PAX2: variants seen among roughly 807,000 people sequenced by gnomAD.
The protein encoded by PAX2 is paired box protein Pax-2.
A neutral mutation model predicts 41.7 loss-of-function variants in PAX2; 9 were observed. The ratio of observed to expected loss-of-function variants is 0.22; its 90% CI spans 0.13 to 0.38. The LOEUF (loss-of-function observed/expected upper bound fraction) is 0.38, where lower values mean the gene tolerates loss of function less well. Among genes scored for constraint, PAX2 ranks in the 10% least tolerant of loss-of-function variants. The pLI is 1.00. For synonymous variants in PAX2, 221 were observed against 212.7 expected, an observed-to-expected ratio of 1.04 and a Z score of -0.34; for missense variants, 418 against 531.6, an observed-to-expected ratio of 0.79 and a Z score of 2.10.
At chr10:100,825,852 GA>G (rs1022401477) in intron 8 of PAX2, among the ~76,000 whole-genome samples, 8 of 147,230 alleles carry the variant, frequency 5.4e-5, no homozygotes, top group African/African-American at 2.0e-4. Context: ...TTAGGGGAAG[GA>G]AAGTAGAAGC....
rs1845870404 is a variant in PAX2 at position 100,762,359 on chromosome 10, C to A, written c.410+11468C>A. ...GACATGGGGCAGTGAAGCATAGAGG[C>A]ACAAACCAAGGAGGACATTGTGCAT... is the stretch of plus-strand genomic sequence containing the variant. On this transcript the variant is annotated intron_variant, in intron 3 of 9. Transcript: ENST00000355243. Among the ~76,000 whole-genome samples the A allele has an allele frequency of 2.6e-5, 4 of 152,308 alleles. No individual in the cohort carries two copies. The South Asian group carries it at 8.3e-4, about 32-fold the overall frequency.
intron 5 of PAX2, among the ~76,000 whole-genome samples, chr10:100,805,621 C>T (rs1369708800): frequency 6.6e-6 from 1 of 152,126 alleles, no homozygotes; most frequent in African/African-American, 2.4e-5. Context: ...GGAGCAGGCA[C>T]CGGTGTGATA....
intron 1 of PAX2, among the ~76,000 whole-genome samples, chr10:100,739,297 C>A (rs965659197): frequency 6.6e-6 from 1 of 152,220 alleles, no homozygotes; most frequent in Non-Finnish European, 1.5e-5. Flanking sequence ...AGCCACCTCG[C>A]AGCCTGTCCC....
chr10:100,773,744 G>A (rs949498978), intron 3 of PAX2, among the ~76,000 whole-genome samples: 4 of 152,062 alleles, frequency 2.6e-5, no homozygotes, highest in African/African-American at 7.2e-5. Flanking sequence ...AGGCTGCCCC[G>A]GCCCCCCAGG....
At chr10:100,743,044 G>T (rs1463516905), upstream of PAX2, among the ~76,000 whole-genome samples, 1 of 151,614 alleles carries the variant, frequency 6.6e-6, no homozygotes, top group Non-Finnish European at 1.5e-5. Flanking sequence ...CTAATCTCCA[G>T]GGAGCATTAC....
At chr10:100,825,787 T>C (rs1848532643) in intron 8 of PAX2, among the ~76,000 whole-genome samples, 1 of 152,098 alleles carries the variant, frequency 6.6e-6, no homozygotes, top group Non-Finnish European at 1.5e-5. Flanking sequence ...CTGGGTCTTA[T>C]GGACTAGGGG....
At chr10:100,803,600 C>T (rs1847646400) in intron 5 of PAX2, among the ~76,000 whole-genome samples, 3 of 152,144 alleles carry the variant, frequency 2.0e-5, no homozygotes, top group African/African-American at 4.8e-5. Flanking sequence ...TGTGCTCCTT[C>T]GCCATTCATC....
chr10:100,829,529 C>G lies in PAX2; in HGVS notation c.*1910C>G, dbSNP rs1848712835. On this transcript the variant is annotated 3_prime_UTR_variant, in exon 10 of 10. Coordinates refer to ENST00000355243, the MANE Select transcript of PAX2 (RefSeq NM_000278.5). Reference sequence around the variant, plus strand: ...TCTCCTCACCCGTGGATCGTGACGACTCGAAATAACAGAAACAAAGTCAAT... The same window carrying G: ...TCTCCTCACCCGTGGATCGTGACGAGTCGAAATAACAGAAACAAAGTCAAT... The G allele has an allele frequency of 4.8e-6, 1 of 208,664 alleles. No individual in the cohort carries two copies. 12.9% of individuals were successfully genotyped at this position (208,664 alleles called of 1,614,324 possible). A position where few individuals can be genotyped will look rare whatever the true frequency, so the allele number is the denominator to read the frequency against.
At chr10:100,807,874 C>G (rs1007351526) in intron 6 of PAX2, among the ~76,000 whole-genome samples, 1 of 152,248 alleles carries the variant, frequency 6.6e-6, no homozygotes, top group African/African-American at 2.4e-5. Flanking sequence ...CAACAGCTCC[C>G]AGCCACTCGC....
intron 3 of PAX2, among the ~76,000 whole-genome samples, chr10:100,777,165 A>G (rs1846422164): frequency 6.7e-6 from 1 of 148,546 alleles, no homozygotes; most frequent in Non-Finnish European, 1.5e-5. Context: ...GCAGAGGCAC[A>G]ATCTCAGCTC....
Position 100,747,504 on chromosome 10 carries a change from C to T in PAX2, c.43+1201C>T, listed in dbSNP as rs1437517409. ...GCTTTTTTTTTTAAAAGCTAAAATT[C>T]TAAATAGAAAACTCCTCCCTATCTG... is the stretch of plus-strand genomic sequence containing the variant. On this transcript the variant is annotated intron_variant, in intron 1 of 9. Coordinates refer to ENST00000355243, the MANE Select transcript of PAX2 (RefSeq NM_000278.5). 1.5e-5 allele frequency: 7 copies of T among 471,436 alleles called. No homozygotes were observed. In the East Asian group the frequency reaches 1.1e-3, roughly 76 times the overall value. 29.2% of individuals were successfully genotyped at this position (471,436 alleles called of 1,614,324 possible). A position where few individuals can be genotyped will look rare whatever the true frequency, so the allele number is the denominator to read the frequency against.
chr10:100,788,781 G>A (rs990560939), intron 5 of PAX2, among the ~76,000 whole-genome samples: 8 of 152,136 alleles, frequency 5.3e-5, no homozygotes, highest in Non-Finnish European at 1.0e-4. Flanking sequence ...AGGAGACTTG[G>A]CGAGGTTGCA....
intron 7 of PAX2, among the ~76,000 whole-genome samples, chr10:100,814,966 G>A (rs1249544970): frequency 6.6e-6 from 1 of 152,218 alleles, no homozygotes. Context: ...ACAGCAGCAG[G>A]GACCAGTGTG....
chr10:100,758,373 C>A (rs1050671688), intron 3 of PAX2, among the ~76,000 whole-genome samples: 1 of 152,044 alleles, frequency 6.6e-6, no homozygotes, highest in Non-Finnish European at 1.5e-5. Context: ...ATCTCCTGAC[C>A]TCGTGATCCG....
At chr10:100,737,420 C>T (rs1051387199) in intron 1 of PAX2, among the ~76,000 whole-genome samples, 1 of 152,272 alleles carries the variant, frequency 6.6e-6, no homozygotes. Context: ...GCCGCTTACC[C>T]GGCGCGCGTG....
At chr10:100,795,426 G>A (rs894666015) in intron 5 of PAX2, among the ~76,000 whole-genome samples, 1 of 152,164 alleles carries the variant, frequency 6.6e-6, no homozygotes, top group African/African-American at 2.4e-5. Flanking sequence ...AAAAAACAAA[G>A]GAGCAGTTGC....
intron 3 of PAX2, among the ~76,000 whole-genome samples, chr10:100,753,747 T>C (rs1028706967): frequency 9.2e-5 from 14 of 152,264 alleles, no homozygotes; most frequent in Non-Finnish European, 1.8e-4. Flanking sequence ...ACTTGAAATA[T>C]GCTGTTATGG....
chr10:100,744,343 T>G (rs972972870), upstream of PAX2, among the ~76,000 whole-genome samples: 5 of 152,202 alleles, frequency 3.3e-5, no homozygotes, highest in Non-Finnish European at 7.3e-5. Context: ...GAGAGAGAGT[T>G]AAAACATCAG....
At chr10:100,811,580 G>C (rs1354970629) in intron 7 of PAX2, among the ~76,000 whole-genome samples, 2 of 152,246 alleles carry the variant, frequency 1.3e-5, no homozygotes, top group Non-Finnish European at 2.9e-5. Flanking sequence ...GTGAGAACTG[G>C]GCTCCAGGCA....
Sources: allele counts gnomAD v4.1 joint callset (sites outside exome capture counted in the v4.1 genomes callset), GRCh38; gene constraint gnomAD v4.1.1; transcripts MANE v1.5; gene names NCBI Gene and HGNC (gene_info 2026-07-23, HGNC 2026-07-21).